EGFR: variants seen among roughly 807,000 people sequenced by gnomAD.
EGFR encodes the protein avian erythroblastic leukemia viral (v-erb-b) oncogene homolog.
Under a neutral mutation model 143.0 loss-of-function variants are expected in EGFR, and 58 were observed. The observed-to-expected ratio is 0.41, with a 90% CI of 0.33 to 0.50. The LOEUF is 0.50. EGFR is among the 20% of genes least tolerant of loss of function. The pLI, the probability that EGFR is intolerant of heterozygous loss-of-function variation, is 0.39. For synonymous variants in EGFR, 613 were observed against 594.4 expected (o/e 1.03, Z -0.45); for missense variants, 1,307 against 1,579.0 (o/e 0.83, Z 2.92).
intron 1 of EGFR, among the ~76,000 whole-genome samples, chr7:55,117,292 C>A (rs1042529463): frequency 6.6e-6 from 1 of 151,954 alleles, no homozygotes; most frequent in Non-Finnish European, 1.5e-5. Context: ...CTTTTTAGAT[C>A]GGTAAAAGTT....
intron 27 of EGFR, among the ~76,000 whole-genome samples, chr7:55,203,371 TACACACCACACATACATAC>T (rs1787947091): frequency 7.6e-6 from 1 of 132,058 alleles, no homozygotes; most frequent in African/African-American, 3.0e-5. Flanking sequence ...CATGCATACA[TACACACCACACATACATAC>T]AGACACACCA....
At chr7:55,199,268 T>G (rs1787747613) in intron 23 of EGFR, among the ~76,000 whole-genome samples, 1 of 152,242 alleles carries the variant, frequency 6.6e-6, no homozygotes, top group South Asian at 2.1e-4. Context: ...CTGCTTTGAC[T>G]TAAACCTTTT....
At chr7:55,191,155 G>A (rs1354885316) in intron 20 of EGFR, among the ~76,000 whole-genome samples, 1 of 152,056 alleles carries the variant, frequency 6.6e-6, no homozygotes, top group African/African-American at 2.4e-5. Flanking sequence ...GGGGAGGGTG[G>A]TGTCTTCTAA....
At chr7:55,032,850 G>A (rs752447987) in intron 1 of EGFR, among the ~76,000 whole-genome samples, 1 of 152,146 alleles carries the variant, frequency 6.6e-6, no homozygotes, top group African/African-American at 2.4e-5. Flanking sequence ...AGAGGGAAAA[G>A]GGATACTCAG....
chr7:55,074,871 A>G (rs1267530269), intron 1 of EGFR, among the ~76,000 whole-genome samples: 2 of 152,206 alleles, frequency 1.3e-5, no homozygotes, highest in Non-Finnish European at 2.9e-5. Context: ...ACAAAACATT[A>G]TTTTCATCCA....
intron 22 of EGFR, among the ~76,000 whole-genome samples, chr7:55,193,351 C>T (rs947334751): frequency 1.3e-5 from 2 of 151,914 alleles, no homozygotes; most frequent in African/African-American, 4.8e-5. Context: ...TTCTCGCTCT[C>T]GGGAGGACCA....
At chr7:55,194,052 A>G (rs1433069311) in intron 22 of EGFR, among the ~76,000 whole-genome samples, 2 of 152,040 alleles carry the variant, frequency 1.3e-5, no homozygotes, top group African/African-American at 2.4e-5. Context: ...CCATTTTCAG[A>G]ATGTATCTCC....
intron 11 of EGFR, 112 bp from the exon 12 acceptor site, chr7:55,160,027 T>C (rs927834146): frequency 4.3e-6 from 5 of 1,150,878 alleles, no homozygotes; most frequent in African/African-American, 1.5e-5. Flanking sequence ...TGACCTACCA[T>C]CATTGGAAAG....
Position 55,192,003 on chromosome 7 carries a change from A to AGCT in EGFR, c.2625+137_2625+139dup, listed in dbSNP as rs972983954. On this transcript the variant is annotated intron_variant, in intron 21 of 27. Transcript: ENST00000275493. ...CAGACATTCTGGGTGAGCTCGCAGC[A>AGCT]GCTGCTGCTGGCAGCTGGGTCCAGC... 8 of 1,421,120 alleles carry AGCT rather than the reference A, an allele frequency of 5.6e-6. No individual in the cohort carries two copies. In the Admixed American group the frequency reaches 1.1e-4, roughly 20 times the overall value. The allele number at this position is 1,421,120 out of a possible 1,614,324, so 88.0% of individuals were successfully genotyped here.
rs147122326 is a variant in EGFR, at chr7:55,151,902, T to C, written c.628+540T>C. ...ACAACAACAACAACAACAACAACAATAAGTGAACATCAGCAAGTACCCCAG... is the reference window on the plus strand; with the variant it reads ...ACAACAACAACAACAACAACAACAACAAGTGAACATCAGCAAGTACCCCAG... On this transcript the variant is annotated intron_variant, in intron 5 of 27. Transcript: ENST00000275493. 3.6e-3 allele frequency among the ~76,000 whole-genome samples: 544 copies of C among 150,562 alleles called. 3 individuals carry two copies. The highest frequency in any genetic ancestry group is 5.8e-3 in the Non-Finnish European group (390 of 67,534).
At position 55,170,486 on chromosome 7, in the gene EGFR, G is replaced by T. The variant is rs751185812; in HGVS notation, c.1881-689G>T. ...TTTCAGCTGGGTTGGGGTGGATGCA[G>T]CCACCTCCATGCCTGGCCTTCTGCA... On this transcript the variant is annotated intron_variant, in intron 15 of 27. Transcript: ENST00000275493. 42 of 1,613,882 alleles carry T rather than the reference G, an allele frequency of 2.6e-5. No individual in the cohort carries two copies. The Admixed American group carries it at 6.7e-4, about 26-fold the overall frequency.
At chr7:55,162,087 A>G (rs149353705) in intron 13 of EGFR, among the ~76,000 whole-genome samples, 1 of 152,372 alleles carries the variant, frequency 6.6e-6, no homozygotes, top group East Asian at 1.9e-4. Flanking sequence ...TTGAACATCA[A>G]ACAGTACCAG....
At chr7:55,076,035 G>A (rs1220987397) in intron 1 of EGFR, among the ~76,000 whole-genome samples, 2 of 152,110 alleles carry the variant, frequency 1.3e-5, no homozygotes, top group East Asian at 3.8e-4. Flanking sequence ...GTCCAGCCTA[G>A]CAATTGTCCA....
chr7:55,021,569 A>G (rs563590842), intron 1 of EGFR, among the ~76,000 whole-genome samples: 3 of 152,386 alleles, frequency 2.0e-5, no homozygotes, highest in Non-Finnish European at 2.9e-5. Flanking sequence ...CTATTCCATT[A>G]CAGTAACATA....
chr7:55,049,143 T>TA (rs1368091767), intron 1 of EGFR, among the ~76,000 whole-genome samples: 1 of 152,254 alleles, frequency 6.6e-6, no homozygotes, highest in African/African-American at 2.4e-5. Flanking sequence ...CAGGATTTTT[T>TA]ATACTCAAAT....
At chr7:55,183,293 GA>G (rs1786977669) in intron 20 of EGFR, among the ~76,000 whole-genome samples, 1 of 152,160 alleles carries the variant, frequency 6.6e-6, no homozygotes, top group Admixed American at 6.6e-5. Flanking sequence ...TGAAGTGGTA[GA>G]TATATTAATT....
chr7:55,162,012 T>C (rs1296491788), intron 13 of EGFR, among the ~76,000 whole-genome samples: 1 of 152,226 alleles, frequency 6.6e-6, no homozygotes. Flanking sequence ...TCCTGGTGTG[T>C]GAAAATAAAT....
intron 19 of EGFR, chr7:55,180,362 C>G (rs1025127691): frequency 6.6e-6 from 1 of 152,198 alleles, no homozygotes; most frequent in African/African-American, 2.4e-5. Flanking sequence ...CCATTGTGTG[C>G]CTGATTGCAA....
chr7:55,128,556 C>T (rs948818281), intron 1 of EGFR, among the ~76,000 whole-genome samples: 3 of 152,198 alleles, frequency 2.0e-5, no homozygotes, highest in Non-Finnish European at 2.9e-5. Context: ...TTCTGTGACT[C>T]ACCCCTGCAA....
Sources: gnomAD v4.1 joint callset for allele counts (sites outside exome capture counted in the v4.1 genomes callset) on GRCh38, gnomAD v4.1.1 for gene constraint, MANE v1.5 for transcripts, NCBI Gene and HGNC (gene_info 2026-07-23, HGNC 2026-07-21) for gene names.